LDAF1: variants seen among roughly 807,000 people sequenced by gnomAD.
LDAF1 encodes lipid droplet assembly factor 1.
Under a neutral mutation model 13.5 loss-of-function variants are expected in LDAF1, and 7 were observed. The observed-to-expected ratio is 0.52, with a 90% CI of 0.29 to 0.97. LDAF1 has a LOEUF of 0.97. Among genes scored for constraint, LDAF1 ranks in the 50% least tolerant of loss-of-function variants. LDAF1 has a pLI of 0.07. For missense variants in LDAF1, 148 were observed against 193.2 expected (o/e 0.77, Z 1.39); for synonymous variants, 69 against 77.1 (o/e 0.89, Z 0.55).
At chr16:21,174,449 C>T (rs909743734) in intron 4 of LDAF1, among the ~76,000 whole-genome samples, 1 of 152,144 alleles carries the variant, frequency 6.6e-6, no homozygotes, top group African/African-American at 2.4e-5. Context: ...CTCCTGCCTC[C>T]ACCTCCCAAA....
intron 2 of LDAF1, among the ~76,000 whole-genome samples, chr16:21,162,696 CTT>C (rs1282789935): frequency 5.9e-5 from 9 of 152,180 alleles, no homozygotes; most frequent in East Asian, 5.8e-4. Flanking sequence ...ATTTGGCACT[CTT>C]TGTGGATTTA....
chr16:21,159,701 G>C (rs902447561), intron 1 of LDAF1, among the ~76,000 whole-genome samples: 3 of 152,212 alleles, frequency 2.0e-5, no homozygotes, highest in South Asian at 4.1e-4. Flanking sequence ...GTGACCAGGG[G>C]GTCTGGGAAT....
chr16:21,174,664 C>T (rs1469111697), intron 4 of LDAF1, among the ~76,000 whole-genome samples: 1 of 152,226 alleles, frequency 6.6e-6, no homozygotes, highest in Admixed American at 6.5e-5. Flanking sequence ...CAATTGCTGT[C>T]ATTTTCCATC....
intron 2 of LDAF1, among the ~76,000 whole-genome samples, chr16:21,164,024 G>T (rs2093001628): frequency 6.6e-6 from 1 of 152,086 alleles, no homozygotes; most frequent in South Asian, 2.1e-4. Context: ...AAATGGTCCT[G>T]ACCCTTCGTC....
chr16:21,171,599 C>T (rs1395542876), intron 3 of LDAF1, among the ~76,000 whole-genome samples: 1 of 152,068 alleles, frequency 6.6e-6, no homozygotes, highest in Admixed American at 6.6e-5. Flanking sequence ...TTGGTGGTAC[C>T]ATGCAAAGCT....
intron 4 of LDAF1, among the ~76,000 whole-genome samples, chr16:21,176,623 A>G (rs1271715986): frequency 6.6e-6 from 1 of 152,212 alleles, no homozygotes; most frequent in South Asian, 2.1e-4. Context: ...AGCCTGGGCA[A>G]CAGAGCAAGA....
chr16:21,159,238 C>A, intron 1 of LDAF1: 1 of 1,214,578 alleles, frequency 8.2e-7, no homozygotes, highest in Non-Finnish European at 1.2e-6. Flanking sequence ...CTTCTTTACC[C>A]CCAAATTAAT....
chr16:21,173,736 T>C (rs766353229), intron 3 of LDAF1, among the ~76,000 whole-genome samples: 22 of 150,110 alleles, frequency 1.5e-4, no homozygotes, highest in Non-Finnish European at 3.3e-4. Flanking sequence ...AAAGACAAAA[T>C]GAGCAAAGCA....
chr16:21,172,437 A>G (rs2093098271), intron 3 of LDAF1, among the ~76,000 whole-genome samples: 1 of 151,982 alleles, frequency 6.6e-6, no homozygotes, highest in Non-Finnish European at 1.5e-5. Flanking sequence ...TAAGAGTGAG[A>G]CTCTGTCTCA....
At chr16:21,159,487 G>A in intron 1 of LDAF1, 1 of 1,583,974 alleles carries the variant, frequency 6.3e-7, no homozygotes, top group Non-Finnish European at 8.6e-7. Context: ...GAACTTTCGA[G>A]GTAGCCGTTT....
chr16:21,163,847 C>T (rs369064192), intron 2 of LDAF1, among the ~76,000 whole-genome samples: 2 of 108,806 alleles, frequency 1.8e-5, no homozygotes, highest in African/African-American at 7.2e-5. Flanking sequence ...TCACGTTCAC[C>T]TGCCTTTTTT....
chr16:21,161,202 A>G lies in LDAF1; in HGVS notation c.20A>G (p.Gln7Arg). Residue 7 changes from glutamine (Q) to arginine (R), a missense_variant, in exon 2 of 5, where the codon CAG (glutamine) becomes CGG (arginine). Coordinates refer to ENST00000233047, the MANE Select transcript of LDAF1 (RefSeq NM_001301771.2). MAKEEP[Q>R]SISRDLQELQ... ...TTCAGAATGGCAAAAGAGGAGCCCC[A>G]GAGTATCTCAAGGGACTTGCAGGAA... 1.2e-6 allele frequency: 2 copies of G among 1,614,246 alleles called. No individual in the cohort carries two copies. The highest frequency in any genetic ancestry group is 3.3e-5 in the Admixed American group (2 of 60,024).
chr16:21,163,395 T>G (rs2092994902), intron 2 of LDAF1, among the ~76,000 whole-genome samples: 1 of 152,092 alleles, frequency 6.6e-6, no homozygotes, highest in African/African-American at 2.4e-5. Flanking sequence ...CCTGTAATCC[T>G]AGTACTTTGG....
At chr16:21,168,075 C>T (rs1174901349) in intron 2 of LDAF1, among the ~76,000 whole-genome samples, 1 of 151,702 alleles carries the variant, frequency 6.6e-6, no homozygotes, top group Admixed American at 6.6e-5. Context: ...AGTGCAATGG[C>T]GCCATCTTGG....
intron 4 of LDAF1, chr16:21,177,014 ATATC>A (rs2093144861): frequency 6.6e-6 from 1 of 152,186 alleles, no homozygotes; most frequent in African/African-American, 2.4e-5. Flanking sequence ...AATTTTAAAA[ATATC>A]TATTCATTTA....
At chr16:21,173,604 G>C (rs952624525) in intron 3 of LDAF1, among the ~76,000 whole-genome samples, 1 of 152,098 alleles carries the variant, frequency 6.6e-6, no homozygotes, top group African/African-American at 2.4e-5. Context: ...ATCTCAGCTC[G>C]TCAGGAGGCT....
chr16:21,173,915 G>C, intron 3 of LDAF1, 95 bp from the exon 4 acceptor site: 1 of 1,235,650 alleles, frequency 8.1e-7, no homozygotes, highest in Non-Finnish European at 1.1e-6. Context: ...AATAATCTGA[G>C]TTAGCGGTTG....
intron 2 of LDAF1, chr16:21,170,149 C>T (rs1257640819): frequency 5.0e-6 from 1 of 198,476 alleles, no homozygotes; most frequent in African/African-American, 2.4e-5. Context: ...ATTACAGGCA[C>T]ACACCACCGT....
intron 2 of LDAF1, among the ~76,000 whole-genome samples, chr16:21,166,182 T>C (rs537779366): frequency 1.7e-3 from 259 of 152,252 alleles, no homozygotes; most frequent in African/African-American, 5.9e-3. Context: ...TTTAATAATA[T>C]ATTCTCAATT....
Sources: gnomAD v4.1 joint callset for allele counts (sites outside exome capture counted in the v4.1 genomes callset) on GRCh38, gnomAD v4.1.1 for gene constraint, MANE v1.5 for transcripts, NCBI Gene and HGNC (gene_info 2026-07-23, HGNC 2026-07-21) for gene names.